The following DNAI4 variants were observed in gnomAD, a reference collection of about 807,000 sequenced individuals.
DNAI4 encodes the protein WD repeat domain 78.
A neutral mutation model predicts 105.8 loss-of-function variants in DNAI4; 85 were observed. That is an observed-to-expected ratio of 0.80 (90% CI 0.67 to 0.96). DNAI4 has a LOEUF of 0.96. DNAI4 is among the 40% of genes least tolerant of loss of function. The probability of loss-of-function intolerance (pLI) is 0.00; values close to 1 mark genes in which losing one functional copy is unlikely to be tolerated. For missense variants in DNAI4, 1,014 were observed against 1,005.6 expected, an observed-to-expected ratio of 1.01 and a Z score of -0.11; for synonymous variants, 352 against 331.5, an observed-to-expected ratio of 1.06 and a Z score of -0.67.
intron 8 of DNAI4, among the ~76,000 whole-genome samples, chr1:66,845,373 A>G (rs1189209097): frequency 6.6e-6 from 1 of 152,178 alleles, no homozygotes; most frequent in Non-Finnish European, 1.5e-5. Flanking sequence ...AGGTGTTATA[A>G]AGAATGTGGA....
At chr1:66,833,517 A>T in intron 13 of DNAI4, 68 bp downstream of exon 13, 1 of 1,550,676 alleles carries the variant, frequency 6.4e-7, no homozygotes, top group Non-Finnish European at 8.7e-7. Flanking sequence ...GTCTTGTTTT[A>T]TGACTTAATA....
At chr1:66,817,312 C>A (rs1156922499) in intron 16 of DNAI4, among the ~76,000 whole-genome samples, 2 of 152,196 alleles carry the variant, frequency 1.3e-5, no homozygotes, top group East Asian at 3.8e-4. Flanking sequence ...GTGGCTCATG[C>A]CTGTAATCCC....
chr1:66,814,050 G>T lies in DNAI4; in HGVS notation c.*80C>A. Reference sequence around the variant, plus strand: ...TATTGTTTTCTGAAATCAAAATCTGGTGTACAGTATGTAATACAGAATATT... The same window carrying T: ...TATTGTTTTCTGAAATCAAAATCTGTTGTACAGTATGTAATACAGAATATT... On this transcript the variant is annotated 3_prime_UTR_variant, in exon 17 of 17. Coordinates refer to ENST00000371026, the MANE Select transcript of DNAI4 (RefSeq NM_024763.5). The T allele has an allele frequency of 9.9e-7, 1 of 1,007,278 alleles. No individual in the cohort carries two copies. Among genetic ancestry groups the T allele is most frequent in the Non-Finnish European group, 1.4e-6 (1 of 708,808 alleles). 62.4% of individuals were successfully genotyped at this position (1,007,278 alleles called of 1,614,324 possible).
At chr1:66,823,498 T>C (rs2100343008) in intron 15 of DNAI4, among the ~76,000 whole-genome samples, 1 of 148,622 alleles carries the variant, frequency 6.7e-6, no homozygotes, top group South Asian at 2.2e-4. Flanking sequence ...ACTTCCACAA[T>C]GGTTGAACTA....
In DNAI4 at chr1:66,891,272, A is replaced by G. The variant is rs193259000; in HGVS notation, c.531-6T>C. ...TACTGCTTCCTAAAACTGACCTTTA[A>G]TAATGAATAACAAAATTACTCATTT... On this transcript the variant is annotated splice_region_variant and splice_polypyrimidine_tract_variant and intron_variant, in intron 3 of 16. Transcript: ENST00000371026. The G allele has an allele frequency of 7.5e-6, 12 of 1,595,260 alleles. No individual in the cohort carries two copies. In the South Asian group the frequency reaches 1.2e-4, roughly 16 times the overall value.
chr1:66,862,011 A>G, intron 7 of DNAI4, 136 bp downstream of exon 7: 1 of 804,188 alleles, frequency 1.2e-6, no homozygotes, highest in East Asian at 3.0e-5. Flanking sequence ...GTGATAGAGT[A>G]ATAGTGCTAT....
chr1:66,890,728 A>AGAGGAAGAGGGGGAG lies in DNAI4; in HGVS notation c.643+411_643+425dup. The AGAGGAAGAGGGGGAG allele has an allele frequency of 4.6e-6, 1 of 217,612 alleles. No individual in the cohort carries two copies. Among genetic ancestry groups the AGAGGAAGAGGGGGAG allele is most frequent in the Non-Finnish European group, 8.9e-6 (1 of 111,934 alleles). 13.5% of individuals were successfully genotyped at this position (217,612 alleles called of 1,614,324 possible). A position where few individuals can be genotyped will look rare whatever the true frequency, so the allele number is the denominator to read the frequency against. On this transcript the variant is annotated intron_variant, in intron 4 of 16. Coordinates refer to ENST00000371026, the MANE Select transcript of DNAI4 (RefSeq NM_024763.5). The surrounding 1 kb of genome is among the most constrained non-coding windows in gnomAD (Gnocchi z 4.1). ...GAGAGGAGGGGGAGGAGGAGGAGGG[A>AGAGGAAGAGGGGGAG]GAGGAAGAGGGGGAGAAGGAAGAGG... is the stretch of plus-strand genomic sequence containing the variant.
rs575398978 is a variant in DNAI4, at chr1:66,852,305, AAAG to A, written c.1097-4630_1097-4628del. The stretch of plus-strand genomic sequence containing the variant: ...CACTAAAGAATTCAACCAGAAACTT[AAAG>A]AAGAATTGTCACTAATTCTACATAA... On this transcript the variant is annotated intron_variant, in intron 7 of 16. Transcript: ENST00000371026. Among the ~76,000 whole-genome samples, 828 of 152,126 alleles carry A rather than the reference AAAG, an allele frequency of 5.4e-3. 8 individuals carry two copies. Among genetic ancestry groups the A allele is most frequent in the Non-Finnish European group, 9.5e-3 (647 of 67,936 alleles).
intron 2 of DNAI4, among the ~76,000 whole-genome samples, chr1:66,894,125 C>G (rs867277640): frequency 6.6e-6 from 1 of 151,998 alleles, no homozygotes; most frequent in Non-Finnish European, 1.5e-5. Context: ...CCTTTTATTT[C>G]TTAAAAAAAT....
At chr1:66,823,428 A>T (rs923397400) in intron 15 of DNAI4, among the ~76,000 whole-genome samples, 3 of 152,010 alleles carry the variant, frequency 2.0e-5, no homozygotes, top group Admixed American at 6.6e-5. Flanking sequence ...ATACCCAGTA[A>T]TGGGATGGCT....
intron 7 of DNAI4, among the ~76,000 whole-genome samples, chr1:66,856,401 A>T (rs1389789913): frequency 1.3e-5 from 2 of 152,014 alleles, no homozygotes; most frequent in Non-Finnish European, 2.9e-5. Flanking sequence ...TGAACCCAGG[A>T]GGCAGAGCTT....
chr1:66,916,497 C>A (rs1282044102), intron 1 of DNAI4, among the ~76,000 whole-genome samples: 1 of 152,130 alleles, frequency 6.6e-6, no homozygotes, highest in Non-Finnish European at 1.5e-5. Context: ...AAACGGCATC[C>A]CTGAGACACA....
chr1:66,825,692 G>T (rs1456291504), intron 15 of DNAI4, among the ~76,000 whole-genome samples: 1 of 152,112 alleles, frequency 6.6e-6, no homozygotes, highest in Non-Finnish European at 1.5e-5. Context: ...ACAATCAGAG[G>T]TGGGATTATT....
At position 66,893,286 on chromosome 1, in the gene DNAI4, G is replaced by T. The variant is rs745816053; in HGVS notation, c.473C>A (p.Ser158Tyr). 2 of 1,610,232 alleles carry T rather than the reference G, an allele frequency of 1.2e-6. No homozygotes were observed. The highest frequency in any genetic ancestry group is 3.4e-5 in the Admixed American group (2 of 59,544). Residue 158 changes from serine to tyrosine, a missense_variant, in exon 3 of 17, where the codon TCT becomes TAT. Ser to Tyr is a moderately radical substitution (Grantham distance 144, BLOSUM62 -2). Coordinates refer to ENST00000371026, the MANE Select transcript of DNAI4 (RefSeq NM_024763.5). ...TGTATTCTGATAAAGGCTATAGGAA[G>T]ATATAAATTCTGATCCAAGTGATCC... ...QEGSLGSEFI[S>Y]SYSLYQNTIN...
chr1:66,911,306 C>A (rs1029251752), intron 1 of DNAI4, among the ~76,000 whole-genome samples: 1 of 152,178 alleles, frequency 6.6e-6, no homozygotes, highest in South Asian at 2.1e-4. Context: ...TCTCTCTGGG[C>A]ACACCACCTT....
chr1:66,827,638 A>C (rs1645782868), intron 14 of DNAI4, among the ~76,000 whole-genome samples, 174 bp downstream of exon 14: 1 of 152,244 alleles, frequency 6.6e-6, no homozygotes, highest in Non-Finnish European at 1.5e-5. Flanking sequence ...CTAGAAGTCA[A>C]ATAAAATGCC....
At chr1:66,907,697 T>C (rs1321898041) in intron 1 of DNAI4, among the ~76,000 whole-genome samples, 1 of 152,226 alleles carries the variant, frequency 6.6e-6, no homozygotes, top group African/African-American at 2.4e-5. Flanking sequence ...GGCATAATTC[T>C]TGAGCATTTC....
intron 13 of DNAI4, 52 bp from the exon 14 acceptor site, chr1:66,827,962 G>T: frequency 1.7e-6 from 2 of 1,148,550 alleles, no homozygotes; most frequent in Non-Finnish European, 2.5e-6. Context: ...TAGTAAGTGT[G>T]ATAAATAGAA....
chr1:66,840,505 G>C lies in DNAI4; in HGVS notation c.1458C>G (p.Leu486=). ...WSFSCDLTKG[L]NVSSLAWNKT... ...TATTCCAGGCAAGGCTGCTCACATT[G>C]AGGCCTTTGGTTAAGTCACAGGAAA... The change falls in exon 9 of 17, where the codon CTC becomes CTG. Residue 486 remains leucine, a synonymous_variant. Transcript: ENST00000371026. 2 of 1,614,134 alleles carry C rather than the reference G, an allele frequency of 1.2e-6. No homozygotes were observed. Among genetic ancestry groups the C allele is most frequent in the Middle Eastern group, 1.6e-4 (1 of 6,062 alleles).
Sources: allele counts gnomAD v4.1 joint callset (sites outside exome capture counted in the v4.1 genomes callset), GRCh38; gene constraint gnomAD v4.1.1; non-coding constraint Gnocchi (gnomAD v3.1); transcripts MANE v1.5; gene names NCBI Gene and HGNC (gene_info 2026-07-23, HGNC 2026-07-21).